Variants in CAMK1D observed in about 807,000 individuals in gnomAD.
The protein encoded by CAMK1D is calcium/calmodulin-dependent protein kinase type 1D.
Under a neutral mutation model 47.7 loss-of-function variants are expected in CAMK1D, and 9 were observed. That is an observed-to-expected ratio of 0.19 (90% CI 0.11 to 0.33). CAMK1D has a LOEUF of 0.33. Ranked by LOEUF, CAMK1D falls within the 10% of genes least tolerant of loss-of-function variation. The probability of loss-of-function intolerance (pLI) is 1.00; values close to 1 mark genes in which losing one functional copy is unlikely to be tolerated. For missense variants in CAMK1D, 291 were observed against 488.7 expected, an observed-to-expected ratio of 0.60 and a Z score of 3.81; for synonymous variants, 184 against 184.9, an observed-to-expected ratio of 0.99 and a Z score of 0.04.
At chr10:12,370,553 A>C (rs992711046) in intron 1 of CAMK1D, among the ~76,000 whole-genome samples, 16 of 152,086 alleles carry the variant, frequency 1.1e-4, no homozygotes, top group African/African-American at 3.9e-4. Flanking sequence ...GTGGAGGTGG[A>C]AGACGGTGAT....
At chr10:12,432,119 C>G (rs989316473) in intron 1 of CAMK1D, among the ~76,000 whole-genome samples, 3 of 152,176 alleles carry the variant, frequency 2.0e-5, no homozygotes, top group African/African-American at 7.2e-5. Flanking sequence ...GACACTGGGC[C>G]GCGTTTCTCT....
At chr10:12,734,628 A>G (rs2130824828) in intron 3 of CAMK1D, among the ~76,000 whole-genome samples, 1 of 151,036 alleles carries the variant, frequency 6.6e-6, no homozygotes, top group Non-Finnish European at 1.5e-5. Context: ...TTTGACTCTG[A>G]TACTAGAAAA....
intron 2 of CAMK1D, among the ~76,000 whole-genome samples, chr10:12,655,610 T>G (rs1039836730): frequency 6.6e-6 from 1 of 152,152 alleles, no homozygotes; most frequent in African/African-American, 2.4e-5. Context: ...ATTCCTTGAG[T>G]GTTGATATGT....
chr10:12,740,240 C>G (rs547809208), intron 3 of CAMK1D, among the ~76,000 whole-genome samples: 2 of 152,278 alleles, frequency 1.3e-5, no homozygotes, highest in Non-Finnish European at 2.9e-5. Flanking sequence ...ATGCACAGAG[C>G]TTGTTTTGTA....
At chr10:12,392,351 C>T (rs1838766825) in intron 1 of CAMK1D, among the ~76,000 whole-genome samples, 2 of 151,530 alleles carry the variant, frequency 1.3e-5, no homozygotes, top group Non-Finnish European at 2.9e-5. Flanking sequence ...ATAACAAAAC[C>T]CCCACAACTC....
chr10:12,474,887 T>C (rs891026368), intron 1 of CAMK1D, among the ~76,000 whole-genome samples: 1 of 151,674 alleles, frequency 6.6e-6, no homozygotes, highest in Non-Finnish European at 1.5e-5. Flanking sequence ...TTGCTAAGGC[T>C]AATGGCCTCC....
chr10:12,403,336 C>T (rs1309635068), intron 1 of CAMK1D, among the ~76,000 whole-genome samples: 2 of 152,212 alleles, frequency 1.3e-5, no homozygotes, highest in African/African-American at 2.4e-5. Context: ...TTCAGGTGGA[C>T]GTTGTTCACC....
rs553373887 is a variant in CAMK1D at position 12,703,322 on chromosome 10, T to C, written c.299+36512T>C. Among the ~76,000 whole-genome samples, 33 of 152,248 alleles carry C rather than the reference T, an allele frequency of 2.2e-4. No individual in the cohort carries two copies. The South Asian group carries it at 4.4e-3, about 20-fold the overall frequency. ...CCACAGAATGGAGTCGGGTGAAAGATTGGGTGACTGGATTTGCCATTTCAC... is the reference window on the plus strand; with the variant it reads ...CCACAGAATGGAGTCGGGTGAAAGACTGGGTGACTGGATTTGCCATTTCAC... On this transcript the variant is annotated intron_variant, in intron 3 of 10. Transcript: ENST00000619168.
chr10:12,526,062 G>A (rs988780071), intron 1 of CAMK1D, among the ~76,000 whole-genome samples: 2 of 152,180 alleles, frequency 1.3e-5, no homozygotes, highest in Admixed American at 1.3e-4. Flanking sequence ...CCGGCCCTAT[G>A]TCCTATGTAT....
At chr10:12,824,902 A>G (rs1267498431) in intron 9 of CAMK1D, among the ~76,000 whole-genome samples, 3 of 152,140 alleles carry the variant, frequency 2.0e-5, no homozygotes, top group Admixed American at 1.3e-4. Flanking sequence ...GTACTCATCA[A>G]TGTTTCCTGA....
chr10:12,528,766 G>A (rs562865238), intron 1 of CAMK1D, among the ~76,000 whole-genome samples: 101 of 143,200 alleles, frequency 7.1e-4, no homozygotes, highest in African/African-American at 2.5e-3. Flanking sequence ...TTTGGAGTCA[G>A]GGTTCCTTTC....
At chr10:12,524,588 T>C (rs1588590630) in intron 1 of CAMK1D, among the ~76,000 whole-genome samples, 1 of 151,842 alleles carries the variant, frequency 6.6e-6, no homozygotes, top group African/African-American at 2.4e-5. Context: ...GTACCTGTGG[T>C]CCCAGCTACT....
At chr10:12,519,496 AC>A (rs1835328654) in intron 1 of CAMK1D, among the ~76,000 whole-genome samples, 1 of 1,524 alleles carries the variant, frequency 6.6e-4, no homozygotes, top group Non-Finnish European at 1.6e-3. Flanking sequence ...CGGGGGGCTG[AC>A]CCCCCCACCT....
chr10:12,449,440 A>T (rs1379451337), intron 1 of CAMK1D, among the ~76,000 whole-genome samples: 3 of 148,826 alleles, frequency 2.0e-5, no homozygotes, highest in Non-Finnish European at 4.5e-5. Flanking sequence ...CAGCTGTTTA[A>T]AAAAAAAAAA....
At chr10:12,528,650 C>A (rs1440858583) in intron 1 of CAMK1D, among the ~76,000 whole-genome samples, 2 of 151,922 alleles carry the variant, frequency 1.3e-5, no homozygotes, top group Non-Finnish European at 2.9e-5. Flanking sequence ...TAGGAAGGCA[C>A]CTTGTCAAAG....
At chr10:12,695,060 A>ATACCTAGG (rs1554811993) in intron 3 of CAMK1D, among the ~76,000 whole-genome samples, 113 of 86,020 alleles carry the variant, frequency 1.3e-3, no homozygotes, top group East Asian at 2.5e-3. Flanking sequence ...AGATAGATAG[A>ATACCTAGG]TAGATACATA....
At chr10:12,819,877 G>A (rs1432616576) in intron 8 of CAMK1D, among the ~76,000 whole-genome samples, 1 of 152,184 alleles carries the variant, frequency 6.6e-6, no homozygotes, top group African/African-American at 2.4e-5. Flanking sequence ...AGGACTGTGA[G>A]TGACTGTCAG....
chr10:12,374,544 G>C (rs1271703324), intron 1 of CAMK1D, among the ~76,000 whole-genome samples: 1 of 152,186 alleles, frequency 6.6e-6, no homozygotes, highest in Non-Finnish European at 1.5e-5. Context: ...GCCACCCACT[G>C]CTCCCAGATG....
intron 2 of CAMK1D, among the ~76,000 whole-genome samples, chr10:12,634,851 A>C (rs762775813): frequency 6.6e-6 from 1 of 151,980 alleles, no homozygotes; most frequent in Non-Finnish European, 1.5e-5. Context: ...TGGCATTTTG[A>C]GGTCATGATG....
Sources: gnomAD v4.1 joint callset for allele counts (sites outside exome capture counted in the v4.1 genomes callset) on GRCh38, gnomAD v4.1.1 for gene constraint, MANE v1.5 for transcripts, NCBI Gene and HGNC (gene_info 2026-07-23, HGNC 2026-07-21) for gene names.